Variants in DCDC1 observed in about 807,000 individuals in gnomAD.
DCDC1 encodes the protein doublecortin domain-containing protein 1.
In DCDC1, 200 loss-of-function variants were observed where a neutral mutation model predicts 178.3. The observed-to-expected ratio is 1.12, with a 90% CI of 1.00 to 1.26. DCDC1 has a LOEUF of 1.26. Among genes scored for constraint, DCDC1 ranks in the 50% most tolerant of loss-of-function variants. The pLI is 0.00. For missense variants in DCDC1, 1,983 were observed against 1,749.2 expected, an observed-to-expected ratio of 1.13 and a Z score of -2.38; for synonymous variants, 690 against 604.8, an observed-to-expected ratio of 1.14 and a Z score of -2.07.
chr11:30,932,653 G>A (rs1425004646), intron 21 of DCDC1, among the ~76,000 whole-genome samples: 2 of 152,176 alleles, frequency 1.3e-5, no homozygotes, highest in Non-Finnish European at 2.9e-5. Context: ...TTACAATAGT[G>A]TAAGTATGAC....
intron 8 of DCDC1, among the ~76,000 whole-genome samples, chr11:31,260,666 G>A (rs1473663744): frequency 6.6e-6 from 1 of 152,174 alleles, no homozygotes; most frequent in Non-Finnish European, 1.5e-5. Context: ...TTATTGGAAT[G>A]GATCCTTCAC....
intron 8 of DCDC1, among the ~76,000 whole-genome samples, chr11:31,242,457 T>C (rs1057188586): frequency 6.6e-6 from 1 of 151,932 alleles, no homozygotes; most frequent in African/African-American, 2.4e-5. Context: ...GAAATAAAAA[T>C]GGCACACTTG....
chr11:31,128,984 T>C (rs184924951), intron 10 of DCDC1, among the ~76,000 whole-genome samples: 77 of 151,896 alleles, frequency 5.1e-4, no homozygotes, highest in African/African-American at 1.8e-3. Context: ...TATTCACAGA[T>C]AAAATGGAAA....
chr11:31,212,912 T>G (rs1415881669), intron 9 of DCDC1, among the ~76,000 whole-genome samples: 2 of 152,146 alleles, frequency 1.3e-5, no homozygotes, highest in Middle Eastern at 3.2e-3. Context: ...AGTAGCTATA[T>G]ATAACTGTTA....
rs781147726 is a variant in DCDC1 at position 30,952,482 on chromosome 11, T to A, written c.2678A>T (p.Tyr893Phe). ...GCCACTGGGAAGGACAGGCCACATGTAGGTAAGCTTGTTCCATAGAGGATT... is the reference window on the plus strand; with the variant it reads ...GCCACTGGGAAGGACAGGCCACATGAAGGTAAGCTTGTTCCATAGAGGATT... ...VENPLWNKLT[Y>F]MWPVLPSGQL... The change falls in exon 21 of 39, where the codon TAC becomes TTC. Residue 893 changes from tyrosine to phenylalanine, a missense_variant. Transcript: ENST00000684477. 64 of 1,585,160 alleles carry A rather than the reference T, an allele frequency of 4.0e-5. No individual in the cohort carries two copies. The highest frequency in any genetic ancestry group is 5.3e-5 in the Non-Finnish European group (62 of 1,170,136).
chr11:31,048,013 G>A (rs1954971999), intron 20 of DCDC1, among the ~76,000 whole-genome samples: 1 of 151,926 alleles, frequency 6.6e-6, no homozygotes, highest in Admixed American at 6.6e-5. Flanking sequence ...CCAAGAACTG[G>A]GCTCAACTTT....
At chr11:31,269,261 G>A (rs1945381554) in intron 7 of DCDC1, among the ~76,000 whole-genome samples, 2 of 152,022 alleles carry the variant, frequency 1.3e-5, no homozygotes, top group African/African-American at 4.8e-5. Context: ...ATTTACAATT[G>A]AAAAGTACAT....
chr11:30,950,096 AATC>A (rs1399879823), intron 21 of DCDC1, among the ~76,000 whole-genome samples: 1 of 152,182 alleles, frequency 6.6e-6, no homozygotes, highest in African/African-American at 2.4e-5. Flanking sequence ...CAATATCACT[AATC>A]ATCAGATAAA....
chr11:31,093,912 G>C lies in DCDC1; in HGVS notation c.2118+138C>G, dbSNP rs564876929. 121 of 654,484 alleles carry C rather than the reference G, an allele frequency of 1.8e-4. No individual in the cohort carries two copies. The South Asian group carries it at 2.0e-3, about 11-fold the overall frequency. 40.5% of individuals were successfully genotyped at this position (654,484 alleles called of 1,614,324 possible). On this transcript the variant is annotated intron_variant, in intron 16 of 38. Coordinates refer to ENST00000684477, the MANE Select transcript of DCDC1 (RefSeq NM_001387274.1). ...TGGGCTAGGCAATACCAACGGCAGA[G>C]ATGGCATCTATAACAGCCAACAATT...
intron 9 of DCDC1, among the ~76,000 whole-genome samples, chr11:31,181,943 A>G (rs2136290270): frequency 6.6e-6 from 1 of 152,360 alleles, no homozygotes; most frequent in East Asian, 1.9e-4. Context: ...TTTGTGAAGC[A>G]TATACAAGGA....
intron 20 of DCDC1, among the ~76,000 whole-genome samples, chr11:31,025,071 T>C (rs1953134305): frequency 6.6e-6 from 1 of 151,864 alleles, no homozygotes; most frequent in South Asian, 2.1e-4. Context: ...TGAATTATGT[T>C]ATCTATAGTA....
At chr11:31,152,336 G>T (rs1226810570) in intron 9 of DCDC1, among the ~76,000 whole-genome samples, 1 of 152,168 alleles carries the variant, frequency 6.6e-6, no homozygotes. Flanking sequence ...TGTAAGTCAG[G>T]CTGGGAGATA....
At chr11:31,200,776 T>C (rs1289198532) in intron 9 of DCDC1, among the ~76,000 whole-genome samples, 1 of 152,088 alleles carries the variant, frequency 6.6e-6, no homozygotes, top group Non-Finnish European at 1.5e-5. Context: ...GACAGCATGC[T>C]ATCATTGGCT....
At chr11:31,183,513 C>T (rs558968055) in intron 9 of DCDC1, among the ~76,000 whole-genome samples, 1 of 152,232 alleles carries the variant, frequency 6.6e-6, no homozygotes, top group East Asian at 1.9e-4. Context: ...TTGCAGATGA[C>T]ATGATTGTAT....
chr11:30,965,329 C>T (rs962133626), intron 20 of DCDC1, among the ~76,000 whole-genome samples: 3 of 152,070 alleles, frequency 2.0e-5, no homozygotes, highest in Non-Finnish European at 4.4e-5. Flanking sequence ...CCATATCATA[C>T]CACAAAAGAA....
intron 20 of DCDC1, among the ~76,000 whole-genome samples, chr11:31,034,320 G>C (rs549656498): frequency 6.6e-6 from 1 of 151,986 alleles, no homozygotes; most frequent in East Asian, 1.9e-4. Flanking sequence ...GTAAGTTAAG[G>C]TTAATTTATT....
chr11:30,934,473 C>T (rs543802468), intron 21 of DCDC1, among the ~76,000 whole-genome samples: 38 of 152,132 alleles, frequency 2.5e-4, no homozygotes, highest in Non-Finnish European at 3.7e-4. Flanking sequence ...GCTTGACTAA[C>T]CAGTGACGTT....
intron 20 of DCDC1, among the ~76,000 whole-genome samples, chr11:31,011,597 A>T (rs1952168743): frequency 6.6e-6 from 1 of 152,212 alleles, no homozygotes; most frequent in Non-Finnish European, 1.5e-5. Flanking sequence ...TCAAATTAGC[A>T]AAAGCCAAGT....
intron 22 of DCDC1, among the ~76,000 whole-genome samples, chr11:30,925,687 G>A (rs1376028186): frequency 1.3e-5 from 2 of 152,164 alleles, no homozygotes; most frequent in Non-Finnish European, 2.9e-5. Flanking sequence ...AGAGCTCTTA[G>A]CACAGTCCCA....
Sources: gnomAD v4.1 joint callset for allele counts (sites outside exome capture counted in the v4.1 genomes callset) on GRCh38, gnomAD v4.1.1 for gene constraint, MANE v1.5 for transcripts, NCBI Gene and HGNC (gene_info 2026-07-23, HGNC 2026-07-21) for gene names.